Variants in BLTP3A observed in about 807,000 individuals in gnomAD.
BLTP3A encodes the protein ICBP90 binding protein 1.
At chr6:34,834,278 A>G in the BLTP3A span, 1 of 1,614,126 alleles carries the variant, frequency 6.2e-7, no homozygotes, top group Non-Finnish European at 8.5e-7. Context: ...TTCTATCACC[A>G]TCAAGATTCA....
chr6:34,863,773 G>A, the BLTP3A span, among the ~76,000 whole-genome samples: 315 of 152,254 alleles, frequency 2.1e-3, 2 homozygotes, highest in African/African-American at 7.2e-3. Context: ...ATATGAGAGC[G>A]CTGTCCATGC....
chr6:34,855,775 C>T, the BLTP3A span: 25 of 1,600,922 alleles, frequency 1.6e-5, no homozygotes, highest in Admixed American at 4.2e-4. Context: ...TGGATTCATC[C>T]CTGACCGCTT....
chr6:34,823,233 A>G, the BLTP3A span: 1 of 1,585,772 alleles, frequency 6.3e-7, no homozygotes, highest in Non-Finnish European at 8.7e-7. Flanking sequence ...GTAAATGCTT[A>G]GTTCTCCTTG....
chr6:34,846,226 C>A, the BLTP3A span, among the ~76,000 whole-genome samples: 1 of 150,652 alleles, frequency 6.6e-6, no homozygotes, highest in African/African-American at 2.4e-5. Context: ...CTCACTGCAT[C>A]CTCCACTTCC....
chr6:34,839,500 A>G, the BLTP3A span, among the ~76,000 whole-genome samples: 8 of 152,190 alleles, frequency 5.3e-5, 1 homozygote, highest in South Asian at 4.1e-4. Context: ...TGTTCTGTAA[A>G]TGTAAAATAC....
the BLTP3A span, chr6:34,859,177 C>G: frequency 2.5e-6 from 4 of 1,614,160 alleles, no homozygotes; most frequent in Non-Finnish European, 3.4e-6. Flanking sequence ...CATTGAAAAT[C>G]AGGATGTATC....
the BLTP3A span, among the ~76,000 whole-genome samples, chr6:34,797,337 A>G: frequency 4.6e-5 from 7 of 152,316 alleles, no homozygotes; most frequent in Non-Finnish European, 1.0e-4. Flanking sequence ...AGAGGCATAG[A>G]AGAGTTCAGC....
chr6:34,845,799 G>A, the BLTP3A span, among the ~76,000 whole-genome samples: 1,111 of 151,750 alleles, frequency 7.3e-3, 21 homozygotes, highest in African/African-American at 0.025. Context: ...GGGTTTCAGC[G>A]TGTTAGCCAG....
the BLTP3A span, among the ~76,000 whole-genome samples, chr6:34,807,963 C>T: frequency 6.6e-6 from 1 of 151,834 alleles, no homozygotes; most frequent in Non-Finnish European, 1.5e-5. Context: ...ATCGCTTGAA[C>T]CGGGAGGCAG....
chr6:34,801,639 G>A, the BLTP3A span, among the ~76,000 whole-genome samples: 2 of 152,182 alleles, frequency 1.3e-5, no homozygotes, highest in Admixed American at 1.3e-4. Context: ...TGAATCCACT[G>A]TATAGATTAA....
At chr6:34,835,291 C>T in the BLTP3A span, 4 of 1,613,596 alleles carry the variant, frequency 2.5e-6, no homozygotes, top group Non-Finnish European at 3.4e-6. Flanking sequence ...GTGGCTTCCT[C>T]AGACCAAAGA....
the BLTP3A span, chr6:34,856,344 A>G: frequency 6.2e-5 from 100 of 1,614,230 alleles, no homozygotes; most frequent in African/African-American, 1.3e-3. Context: ...GAGAAGTGGC[A>G]TGAAGAGACG....
At chr6:34,842,895 C>T in the BLTP3A span, among the ~76,000 whole-genome samples, 2 of 152,138 alleles carry the variant, frequency 1.3e-5, no homozygotes, top group African/African-American at 4.8e-5. Context: ...CTGCCATTGG[C>T]TGCTTTGCTA....
chr6:34,828,174 C>T, the BLTP3A span, among the ~76,000 whole-genome samples: 9 of 151,946 alleles, frequency 5.9e-5, no homozygotes, highest in Admixed American at 2.6e-4. Flanking sequence ...GAAAGCCGGG[C>T]GTATTACATG....
chr6:34,797,532 T>C, the BLTP3A span, among the ~76,000 whole-genome samples: 657 of 152,292 alleles, frequency 4.3e-3, 5 homozygotes, highest in African/African-American at 0.015. Flanking sequence ...CCAAGGTCAC[T>C]TAGGTGGAAG....
chr6:34,855,370 C>T, the BLTP3A span, among the ~76,000 whole-genome samples: 1 of 152,200 alleles, frequency 6.6e-6, no homozygotes, highest in Non-Finnish European at 1.5e-5. Flanking sequence ...TTCTGGAAAT[C>T]TGGCAACCAT....
the BLTP3A span, chr6:34,835,402 C>T: frequency 1.2e-6 from 2 of 1,614,166 alleles, no homozygotes. Flanking sequence ...TGCAGAGTCA[C>T]TGAGTGAAGC....
At chr6:34,847,288 TTGTC>T in the BLTP3A span, among the ~76,000 whole-genome samples, 1 of 152,102 alleles carries the variant, frequency 6.6e-6, no homozygotes, top group South Asian at 2.1e-4. Context: ...TGATGTGTCT[TTGTC>T]TGATTTTGTT....
the BLTP3A span, among the ~76,000 whole-genome samples, chr6:34,818,603 G>A: frequency 1.1e-4 from 16 of 152,244 alleles, no homozygotes; most frequent in South Asian, 2.1e-4. Flanking sequence ...ATGGAGTAGC[G>A]TAATGAAAAG....
Sources: allele counts gnomAD v4.1 joint callset (sites outside exome capture counted in the v4.1 genomes callset), GRCh38; gene constraint gnomAD v4.1.1; transcripts MANE v1.5; gene names NCBI Gene and HGNC (gene_info 2026-07-23, HGNC 2026-07-21).